Variants in BLTP3A observed in about 807,000 individuals in gnomAD.
The protein encoded by BLTP3A is ICBP90 binding protein 1.
At chr6:34,808,358 A>G in the BLTP3A span, among the ~76,000 whole-genome samples, 1 of 150,478 alleles carries the variant, frequency 6.6e-6, no homozygotes, top group African/African-American at 2.4e-5. Flanking sequence ...AAAAAAAAAA[A>G]AAAAAAAAAA....
chr6:34,811,154 A>T, the BLTP3A span, among the ~76,000 whole-genome samples: 2 of 152,160 alleles, frequency 1.3e-5, no homozygotes, highest in African/African-American at 2.4e-5. Flanking sequence ...AATGTGTGTT[A>T]TGTTCAGGGA....
chr6:34,812,217 A>G, the BLTP3A span, among the ~76,000 whole-genome samples: 1 of 151,134 alleles, frequency 6.6e-6, no homozygotes, highest in Non-Finnish European at 1.5e-5. Flanking sequence ...AATCCCAACT[A>G]CTCGGGAGGC....
At chr6:34,849,636 TTGTCTC>T in the BLTP3A span, among the ~76,000 whole-genome samples, 2 of 152,186 alleles carry the variant, frequency 1.3e-5, no homozygotes, top group African/African-American at 4.8e-5. Flanking sequence ...TATTCTGTGT[TTGTCTC>T]TGTAATTATT....
the BLTP3A span, among the ~76,000 whole-genome samples, chr6:34,852,577 C>T: frequency 6.7e-6 from 1 of 148,888 alleles, no homozygotes; most frequent in Non-Finnish European, 1.5e-5. Context: ...CTCCTCTCCT[C>T]TCCTCAGGTG....
chr6:34,864,060 C>T, the BLTP3A span: 16 of 1,613,694 alleles, frequency 9.9e-6, no homozygotes, highest in Non-Finnish European at 1.3e-5. Context: ...AGGTGCTGCA[C>T]GACTCCGATT....
At chr6:34,855,823 G>A in the BLTP3A span, 1 of 1,526,884 alleles carries the variant, frequency 6.5e-7, no homozygotes, top group South Asian at 1.3e-5. Context: ...CATGCTCAGA[G>A]GGGTGCTGGA....
chr6:34,864,522 C>CTTT, the BLTP3A span, among the ~76,000 whole-genome samples: 852 of 109,376 alleles, frequency 7.8e-3, 37 homozygotes, highest in African/African-American at 0.025. Context: ...TGCTTATAGT[C>CTTT]TTTTTTTTTT....
chr6:34,874,088 G>C, the BLTP3A span: 1 of 152,230 alleles, frequency 6.6e-6, no homozygotes, highest in East Asian at 1.9e-4. Context: ...TCTTTCTGGA[G>C]AAGATGCTAA....
At chr6:34,829,043 A>G in the BLTP3A span, among the ~76,000 whole-genome samples, 3 of 132,646 alleles carry the variant, frequency 2.3e-5, no homozygotes, top group African/African-American at 7.8e-5. Context: ...AAAAAAAAAA[A>G]AAAAAAAAAA....
At chr6:34,839,595 G>A in the BLTP3A span, among the ~76,000 whole-genome samples, 653 of 152,328 alleles carry the variant, frequency 4.3e-3, 5 homozygotes, top group African/African-American at 0.015. Flanking sequence ...TGCTGAGGTC[G>A]AGGGGAGTGG....
At chr6:34,819,304 C>G in the BLTP3A span, among the ~76,000 whole-genome samples, 73 of 120,882 alleles carry the variant, frequency 6.0e-4, no homozygotes, top group African/African-American at 2.2e-3. Flanking sequence ...TCCCTCCCCC[C>G]TCCCCCCACC....
At chr6:34,817,918 A>G in the BLTP3A span, among the ~76,000 whole-genome samples, 1 of 148,118 alleles carries the variant, frequency 6.8e-6, no homozygotes, top group African/African-American at 2.5e-5. Flanking sequence ...CAATGGCGCT[A>G]TCTGGGCTCA....
At chr6:34,814,259 C>T in the BLTP3A span, among the ~76,000 whole-genome samples, 5 of 152,202 alleles carry the variant, frequency 3.3e-5, no homozygotes, top group African/African-American at 1.2e-4. Flanking sequence ...AAACAATCCA[C>T]CTGCCTTGGC....
chr6:34,793,907 A>G, the BLTP3A span, among the ~76,000 whole-genome samples: 65,890 of 150,594 alleles, frequency 0.44, 16,222 homozygotes, highest in African/African-American at 0.67. Context: ...TAAGAACAGT[A>G]TCTACTTCAA....
At chr6:34,868,817 G>C in the BLTP3A span, among the ~76,000 whole-genome samples, 1 of 151,636 alleles carries the variant, frequency 6.6e-6, no homozygotes, top group South Asian at 2.1e-4. Context: ...TGTGAGTCTA[G>C]GAGTTTGAGA....
At chr6:34,858,258 C>T in the BLTP3A span, 3 of 1,614,228 alleles carry the variant, frequency 1.9e-6, no homozygotes, top group Non-Finnish European at 2.5e-6. Context: ...TCCAGAGTCT[C>T]TTCCGGGGTT....
the BLTP3A span, among the ~76,000 whole-genome samples, chr6:34,868,722 TAA>T: frequency 9.7e-4 from 129 of 133,310 alleles, no homozygotes; most frequent in African/African-American, 2.6e-3. Flanking sequence ...AGACTCTGTT[TAA>T]AAAAAAAAAA....
chr6:34,802,138 A>G, the BLTP3A span, among the ~76,000 whole-genome samples: 1 of 151,894 alleles, frequency 6.6e-6, no homozygotes, highest in Non-Finnish European at 1.5e-5. Context: ...AAATGCTGTT[A>G]CTCTTGGTAT....
At chr6:34,867,727 TTC>T in the BLTP3A span, 2 of 1,373,036 alleles carry the variant, frequency 1.5e-6, no homozygotes. Context: ...TAGTGCCAAG[TTC>T]TCTCCAGCAG....
Sources: allele counts gnomAD v4.1 joint callset (sites outside exome capture counted in the v4.1 genomes callset), GRCh38; gene constraint gnomAD v4.1.1; transcripts MANE v1.5; gene names NCBI Gene and HGNC (gene_info 2026-07-23, HGNC 2026-07-21).